Variants in BTG3 observed in about 807,000 individuals in gnomAD.
The protein encoded by BTG3 is protein BTG3.
BTG3 carries 4 observed loss-of-function variants against 25.8 expected under a neutral mutation model. The observed-to-expected ratio is 0.16, with a 90% CI of 0.08 to 0.36. The LOEUF (loss-of-function observed/expected upper bound fraction) is 0.36, where lower values mean the gene tolerates loss of function less well. Ranked by LOEUF, BTG3 falls within the 10% of genes least tolerant of loss-of-function variation. The pLI, the probability that BTG3 is intolerant of heterozygous loss-of-function variation, is 1.00. For missense variants in BTG3, 201 were observed against 304.9 expected, an observed-to-expected ratio of 0.66 and a Z score of 2.54; for synonymous variants, 107 against 99.9, an observed-to-expected ratio of 1.07 and a Z score of -0.42.
chr21:17,596,570 T>C (rs1408963630), intron 4 of BTG3, among the ~76,000 whole-genome samples: 1 of 152,022 alleles, frequency 6.6e-6, no homozygotes, highest in African/African-American at 2.4e-5. Context: ...TTTGGCACTT[T>C]TGTTAAAAGG....
At chr21:17,603,635 T>C (rs2061601340) in intron 3 of BTG3, among the ~76,000 whole-genome samples, 1 of 152,154 alleles carries the variant, frequency 6.6e-6, no homozygotes, top group Non-Finnish European at 1.5e-5. Flanking sequence ...GTCAGGTGAA[T>C]TGTACCTCAA....
chr21:17,606,055 G>A (rs1170346002), intron 2 of BTG3, among the ~76,000 whole-genome samples: 2 of 151,996 alleles, frequency 1.3e-5, no homozygotes, highest in African/African-American at 4.8e-5. Flanking sequence ...AAATGAAAAA[G>A]TTCTCAACAG....
chr21:17,610,950 C>T (rs1413738497), intron 1 of BTG3, among the ~76,000 whole-genome samples: 1 of 152,132 alleles, frequency 6.6e-6, no homozygotes, highest in Non-Finnish European at 1.5e-5. Context: ...GAGAGGTGTG[C>T]TGGCAGCCGC....
At chr21:17,604,755 C>A in intron 3 of BTG3, 105 bp downstream of exon 3, 1 of 1,356,514 alleles carries the variant, frequency 7.4e-7, no homozygotes, top group Non-Finnish European at 9.8e-7. Flanking sequence ...AGTTAAACCA[C>A]CAGCTCCTGG....
Position 17,594,239 on chromosome 21 carries a change from A to C in BTG3, c.613T>G (p.Tyr205Asp). 1 of 1,613,380 alleles carries C rather than the reference A, an allele frequency of 6.2e-7. No homozygotes were observed. Among genetic ancestry groups the C allele is most frequent in the Non-Finnish European group, 8.5e-7 (1 of 1,179,426 alleles). Residue 205 changes from tyrosine to aspartate, a missense_variant, in exon 5 of 5, where the codon TAT (tyrosine) becomes GAT (aspartate). By Grantham distance (160) the Tyr-to-Asp change is radical (BLOSUM62 -3). Coordinates refer to ENST00000348354, the MANE Select transcript of BTG3 (RefSeq NM_006806.5). ...TAACCAAATGGAACAGGAGGAGGAT[A>C]GTGATTCTGATGGCCATTCCCTCGA... ...MYRGNGHQNH[Y>D]PPPVPFGYPN...
chr21:17,594,260 C>T lies in BTG3; in HGVS notation c.592G>A (p.Gly198Arg). The T allele has an allele frequency of 6.2e-7, 1 of 1,613,266 alleles. No individual in the cohort carries two copies. The highest frequency in any genetic ancestry group is 8.5e-7 in the Non-Finnish European group (1 of 1,179,398). Residue 198 changes from glycine to arginine, a missense_variant, in exon 5 of 5, where the codon GGG becomes AGG. Physicochemically the swap from Gly to Arg is moderately radical, Grantham distance 125. Coordinates refer to ENST00000348354, the MANE Select transcript of BTG3 (RefSeq NM_006806.5). ...GGATAGTGATTCTGATGGCCATTCCCTCGATACATTCCTGGCTTTTTTCTG... is the reference window on the plus strand; with the variant it reads ...GGATAGTGATTCTGATGGCCATTCCTTCGATACATTCCTGGCTTTTTTCTG... ...LPRKKPGMYR[G>R]NGHQNHYPPP...
At chr21:17,605,295 T>G (rs1158008444) in intron 2 of BTG3, among the ~76,000 whole-genome samples, 2 of 152,166 alleles carry the variant, frequency 1.3e-5, no homozygotes, top group Non-Finnish European at 2.9e-5. Context: ...GTATGAAAGT[T>G]GCACGAAATT....
chr21:17,606,441 T>A (rs1418834480), intron 2 of BTG3, among the ~76,000 whole-genome samples: 1 of 152,190 alleles, frequency 6.6e-6, no homozygotes, highest in Non-Finnish European at 1.5e-5. Flanking sequence ...TACTGCTTAG[T>A]CCTTTTAAAA....
chr21:17,598,101 A>C (rs953887971), intron 4 of BTG3, among the ~76,000 whole-genome samples: 4 of 152,216 alleles, frequency 2.6e-5, no homozygotes, highest in African/African-American at 9.6e-5. Flanking sequence ...TATAAATAGT[A>C]AATCAGTGAA....
intron 3 of BTG3, among the ~76,000 whole-genome samples, chr21:17,602,041 T>C (rs1372252904): frequency 6.6e-6 from 1 of 152,174 alleles, no homozygotes; most frequent in Non-Finnish European, 1.5e-5. Flanking sequence ...TGGACAACTT[T>C]TAAACTTTCC....
At chr21:17,595,020 A>G (rs1329932386) in intron 4 of BTG3, among the ~76,000 whole-genome samples, 2 of 151,922 alleles carry the variant, frequency 1.3e-5, no homozygotes, top group East Asian at 3.9e-4. Context: ...AAAAAAAGAT[A>G]AACACAAAAC....
intron 1 of BTG3, among the ~76,000 whole-genome samples, chr21:17,611,200 G>C (rs1455129767): frequency 6.6e-6 from 1 of 152,126 alleles, no homozygotes; most frequent in African/African-American, 2.4e-5. Context: ...GAAAACCCAA[G>C]GCAATTTAAT....
At chr21:17,602,177 A>C (rs2061583202) in intron 3 of BTG3, among the ~76,000 whole-genome samples, 2 of 152,198 alleles carry the variant, frequency 1.3e-5, no homozygotes, top group Non-Finnish European at 2.9e-5. Context: ...AAAAAGTTGT[A>C]AAATATGTTG....
chr21:17,598,599 A>T lies in BTG3; in HGVS notation c.519+18T>A. On this transcript the variant is annotated intron_variant, in intron 4 of 4. Transcript: ENST00000348354. ...ATCCCTGCACATCCCTTTAAAACTG[A>T]GCTGTTTTCATGGTTACCTGGTACA... is the stretch of plus-strand genomic sequence containing the variant. The T allele has an allele frequency of 6.2e-7, 1 of 1,607,346 alleles. No individual in the cohort carries two copies.
Position 17,594,003 on chromosome 21 carries a change from T to C in BTG3, c.*90A>G. The C allele has an allele frequency of 2.8e-6, 4 of 1,454,280 alleles. No homozygotes were observed. The highest frequency in any genetic ancestry group is 3.7e-6 in the Non-Finnish European group (4 of 1,086,420). 90.1% of individuals were successfully genotyped at this position (1,454,280 alleles called of 1,614,324 possible). A position where few individuals can be genotyped will look rare whatever the true frequency, so the allele number is the denominator to read the frequency against. ...GATGGTTTGGCCCATCTAACTTCACTACTATTAGTAAGAACTTTTAACTTT... is the reference window on the plus strand; with the variant it reads ...GATGGTTTGGCCCATCTAACTTCACCACTATTAGTAAGAACTTTTAACTTT... On this transcript the variant is annotated 3_prime_UTR_variant, in exon 5 of 5. Coordinates refer to ENST00000348354, the MANE Select transcript of BTG3 (RefSeq NM_006806.5).
chr21:17,610,996 C>T (rs1272683767), intron 1 of BTG3, among the ~76,000 whole-genome samples: 10 of 152,248 alleles, frequency 6.6e-5, no homozygotes, highest in East Asian at 3.9e-4. Context: ...CACAAATCTT[C>T]CTCCCAGAAC....
At chr21:17,597,156 T>A (rs1457643917) in intron 4 of BTG3, among the ~76,000 whole-genome samples, 1 of 152,084 alleles carries the variant, frequency 6.6e-6, no homozygotes, top group African/African-American at 2.4e-5. Context: ...ACCTTTCTGT[T>A]ATCCTAATAG....
chr21:17,606,421 G>C (rs1487691595), intron 2 of BTG3, among the ~76,000 whole-genome samples: 1 of 152,106 alleles, frequency 6.6e-6, no homozygotes, highest in East Asian at 1.9e-4. Flanking sequence ...TTATTTTCTA[G>C]TATGTAAAAT....
chr21:17,606,417 TCTAGTATGTAAAA>T, intron 2 of BTG3, among the ~76,000 whole-genome samples: 1 of 152,264 alleles, frequency 6.6e-6, no homozygotes, highest in East Asian at 1.9e-4. Flanking sequence ...AAAATTATTT[TCTAGTATGTAAAA>T]TACTGCTTAG....
Sources: gnomAD v4.1 joint callset for allele counts (sites outside exome capture counted in the v4.1 genomes callset) on GRCh38, gnomAD v4.1.1 for gene constraint, MANE v1.5 for transcripts, NCBI Gene and HGNC (gene_info 2026-07-23, HGNC 2026-07-21) for gene names.